Variants in SF1 observed in about 807,000 individuals in gnomAD.
SF1 encodes splicing factor 1.
Under a neutral mutation model 62.5 loss-of-function variants are expected in SF1, and 7 were observed. The observed-to-expected ratio is 0.11, with a 90% CI of 0.06 to 0.21. The LOEUF (loss-of-function observed/expected upper bound fraction) is 0.21. Ranked by LOEUF, SF1 falls within the 10% of genes least tolerant of loss-of-function variation. SF1 has a pLI of 1.00. For missense variants in SF1, 578 were observed against 884.0 expected, an observed-to-expected ratio of 0.65 and a Z score of 4.39; for synonymous variants, 394 against 323.6, an observed-to-expected ratio of 1.22 and a Z score of -2.33.
chr11:64,777,985 A>ACCT (rs947595031), intron 1 of SF1: 1 of 994,298 alleles, frequency 1.0e-6, no homozygotes, highest in Non-Finnish European at 1.2e-6. Flanking sequence ...GGCCCGACTC[A>ACCT]CCTCCTCCGC....
intron 1 of SF1, chr11:64,777,825 C>T: frequency 2.1e-6 from 2 of 967,734 alleles, no homozygotes; most frequent in Non-Finnish European, 2.5e-6. Flanking sequence ...ACTCGAGGCC[C>T]TAGAACCAGG....
intron 9 of SF1, 66 bp from the exon 10 acceptor site, chr11:64,767,910 G>A: frequency 6.3e-7 from 1 of 1,575,088 alleles, no homozygotes; most frequent in Non-Finnish European, 8.6e-7. Context: ...TGTTCTTCGG[G>A]TTATGACACA....
At position 64,778,396 on chromosome 11, in the gene SF1, GC is replaced by G. The variant is rs1242052589; in HGVS notation, c.-5del. 4 of 1,228,148 alleles carry G rather than the reference GC, an allele frequency of 3.3e-6. No individual in the cohort carries two copies. The highest frequency in any genetic ancestry group is 3.2e-5 in the East Asian group (1 of 31,178). The allele number at this position is 1,228,148 out of a possible 1,614,324, so 76.1% of individuals were successfully genotyped here. On this transcript the variant is annotated 5_prime_UTR_variant, in exon 1 of 13. Coordinates refer to ENST00000377390, the MANE Select transcript of SF1 (RefSeq NM_004630.4). ...TGGCGTTCGCTCCGGTCGCCATGGC[GC>G]CCCCGGGGACAGGCACCGGCACCTG...
chr11:64,772,974 A>G (rs7121681), intron 3 of SF1: 1 of 989,464 alleles, frequency 1.0e-6, no homozygotes, highest in African/African-American at 1.7e-5. Flanking sequence ...AACCATGAGC[A>G]GGAAGACTGC....
chr11:64,778,282 C>A, intron 1 of SF1, 80 bp downstream of exon 1: 1 of 1,216,622 alleles, frequency 8.2e-7, no homozygotes, highest in Non-Finnish European at 1.0e-6. Context: ...CCGCCCCAGG[C>A]CCGGGTGCAG....
intron 3 of SF1, chr11:64,772,323 T>TAAAA: frequency 1.2e-6 from 1 of 801,454 alleles, no homozygotes; most frequent in Non-Finnish European, 1.5e-6. Context: ...AATGTAAATT[T>TAAAA]AAAAAAAAAA....
At chr11:64,772,891 GGCC>G (rs1482011313) in intron 3 of SF1, 5 of 986,578 alleles carry the variant, frequency 5.1e-6, no homozygotes, top group Non-Finnish European at 4.8e-6. Context: ...CCAAGGCAAT[GGCC>G]AAGGCTGAAA....
chr11:64,772,314 A>G, intron 3 of SF1: 1 of 984,682 alleles, frequency 1.0e-6, no homozygotes, highest in Non-Finnish European at 1.2e-6. Flanking sequence ...ATGACCTACA[A>G]TGTAAATTTA....
intron 12 of SF1, 151 bp from the exon 13 acceptor site, chr11:64,766,306 GA>G: frequency 2.5e-6 from 1 of 393,844 alleles, no homozygotes; most frequent in Non-Finnish European, 4.8e-6. Context: ...TGGTGATGGG[GA>G]GTGGAGGGGT....
At chr11:64,774,632 A>G (rs1416576669) in intron 2 of SF1, among the ~76,000 whole-genome samples, 2 of 152,208 alleles carry the variant, frequency 1.3e-5, no homozygotes, top group Non-Finnish European at 2.9e-5. Context: ...CCCACACACT[A>G]AAACCCTGAA....
chr11:64,766,873 C>T lies in SF1; in HGVS notation c.1582+27G>A, dbSNP rs2058712237. The T allele has an allele frequency of 2.2e-6, 3 of 1,343,936 alleles. No homozygotes were observed. The Admixed American group carries it at 7.9e-5, about 36-fold the overall frequency. The allele number at this position is 1,343,936 out of a possible 1,614,324, so 83.3% of individuals were successfully genotyped here. A position where few individuals can be genotyped will look rare whatever the true frequency, so the allele number is the denominator to read the frequency against. Reference sequence around the variant, plus strand: ...CAGCCCCACCCCCATCCCACCCACCCCCACAAGCCCAAAATATTCTACTCA... The same window carrying T: ...CAGCCCCACCCCCATCCCACCCACCTCCACAAGCCCAAAATATTCTACTCA... On this transcript the variant is annotated intron_variant, in intron 12 of 12. Coordinates refer to ENST00000377390, the MANE Select transcript of SF1 (RefSeq NM_004630.4).
intron 12 of SF1, 38 bp downstream of exon 12, chr11:64,766,862 T>TTCCCCCCCCC: frequency 4.0e-6 from 1 of 248,362 alleles, no homozygotes; most frequent in Non-Finnish European, 7.7e-6. Flanking sequence ...CCCACCCCCA[T>TTCCCCCCCCC]CCCACCCACC....
chr11:64,766,855 A>ACCGCCCCCCCCCC, intron 12 of SF1, 45 bp downstream of exon 12: 5 of 528,754 alleles, frequency 9.5e-6, no homozygotes, highest in East Asian at 3.6e-5. Context: ...TGTCAGCCCC[A>ACCGCCCCCCCCCC]CCCCCATCCC....
intron 8 of SF1, among the ~76,000 whole-genome samples, chr11:64,768,634 G>A (rs1402458461): frequency 1.3e-5 from 2 of 152,232 alleles, no homozygotes; most frequent in African/African-American, 2.4e-5. Flanking sequence ...CTGCCAGAAC[G>A]AACTTCCTAA....
At chr11:64,766,861 A>AAAC in intron 12 of SF1, 39 bp downstream of exon 12, 4 of 158,968 alleles carry the variant, frequency 2.5e-5, no homozygotes, top group Non-Finnish European at 4.9e-5. Flanking sequence ...CCCCACCCCC[A>AAAC]TCCCACCCAC....
At position 64,765,963 on chromosome 11, in the gene SF1, G is replaced by C. The variant is rs1056154616; in HGVS notation, c.1775C>G (p.Ser592Cys). 7 of 1,576,554 alleles carry C rather than the reference G, an allele frequency of 4.4e-6. No homozygotes were observed. The highest frequency in any genetic ancestry group is 6.0e-6 in the Non-Finnish European group (7 of 1,162,406). Residue 592 changes from serine to cysteine, a missense_variant, in exon 13 of 13, where the codon TCC (serine) becomes TGC (cysteine). Around this residue, in one of 7 missense-constraint regions of SF1, gnomAD observed 410 missense variants for 452.4 expected, o/e 0.91. Coordinates refer to ENST00000377390, the MANE Select transcript of SF1 (RefSeq NM_004630.4). ...GGGCGGGGCATACATCATGCCGGCG[G>C]AACCAGGCGGTGGAGGCGGCGGAGG... ...PPPPPPPPPG[S>C]AGMMYAPPPP... is the part of the protein sequence containing the mutation.
At chr11:64,775,671 G>A (rs966635330) in intron 2 of SF1, among the ~76,000 whole-genome samples, 2 of 152,198 alleles carry the variant, frequency 1.3e-5, no homozygotes, top group African/African-American at 4.8e-5. Context: ...TGGTTAGTAG[G>A]AAATGTTTAT....
chr11:64,766,575 C>T, intron 12 of SF1: 1 of 411,944 alleles, frequency 2.4e-6, no homozygotes, highest in South Asian at 4.5e-5. Context: ...ATGCACCATC[C>T]CACTCGACCC....
intron 3 of SF1, 198 bp from the exon 4 acceptor site, chr11:64,770,606 T>A: frequency 2.0e-6 from 1 of 512,070 alleles, no homozygotes; most frequent in South Asian, 3.6e-5. Context: ...GGGTCTGGGG[T>A]GTGTGTGAGA....
Sources: allele counts gnomAD v4.1 joint callset (sites outside exome capture counted in the v4.1 genomes callset), GRCh38; gene constraint gnomAD v4.1.1; regional missense constraint gnomAD v4.1.1; transcripts MANE v1.5; gene names NCBI Gene and HGNC (gene_info 2026-07-23, HGNC 2026-07-21).